UBASH3B: variants seen among roughly 807,000 people sequenced by gnomAD.
UBASH3B encodes the protein ubiquitin-associated and SH3 domain-containing protein B.
Under a neutral mutation model 83.4 loss-of-function variants are expected in UBASH3B, and 37 were observed. That is an observed-to-expected ratio of 0.44 (90% confidence interval 0.34 to 0.58). The LOEUF is 0.58. Among genes scored for constraint, UBASH3B ranks in the 20% least tolerant of loss-of-function variants. The pLI, the probability that UBASH3B is intolerant of heterozygous loss-of-function variation, is 0.01. For synonymous variants in UBASH3B, 304 were observed against 318.3 expected, an observed-to-expected ratio of 0.96 and a Z score of 0.48; for missense variants, 657 against 827.2, an observed-to-expected ratio of 0.79 and a Z score of 2.52.
At chr11:122,662,189 G>T (rs1209067675) in intron 1 of UBASH3B, among the ~76,000 whole-genome samples, 1 of 151,796 alleles carries the variant, frequency 6.6e-6, no homozygotes, top group Non-Finnish European at 1.5e-5. Context: ...TTACAGGTGG[G>T]AGCCACCCTG....
At chr11:122,793,916 T>C (rs1861104172) in intron 6 of UBASH3B, among the ~76,000 whole-genome samples, 1 of 152,208 alleles carries the variant, frequency 6.6e-6, no homozygotes, top group South Asian at 2.1e-4. Flanking sequence ...TTTCCTTGAC[T>C]GTTAGGAGCC....
chr11:122,681,804 G>C (rs1439182450), intron 1 of UBASH3B, among the ~76,000 whole-genome samples: 1 of 152,168 alleles, frequency 6.6e-6, no homozygotes, highest in African/African-American at 2.4e-5. Flanking sequence ...TTGGAGGCTG[G>C]TAGAAGCCTG....
rs1384095797 is a variant in UBASH3B, at chr11:122,796,289, T to C, written c.1234+13T>C. ...TTCGATGCCAAAGGTGAGTTGGTGGTGGGCCTGCTCAGCACTGCCATACCC... is the reference window on the plus strand; with the variant it reads ...TTCGATGCCAAAGGTGAGTTGGTGGCGGGCCTGCTCAGCACTGCCATACCC... On this transcript the variant is annotated intron_variant, in intron 8 of 13. Coordinates refer to ENST00000284273, the MANE Select transcript of UBASH3B (RefSeq NM_032873.5). The C allele has an allele frequency of 6.2e-7, 1 of 1,613,782 alleles. No homozygotes were observed. Among genetic ancestry groups the C allele is most frequent in the East Asian group, 2.2e-5 (1 of 44,878 alleles).
intron 1 of UBASH3B, among the ~76,000 whole-genome samples, chr11:122,737,390 G>A (rs886256926): frequency 2.0e-5 from 3 of 152,110 alleles, no homozygotes; most frequent in Non-Finnish European, 2.9e-5. Flanking sequence ...AATTTAGGAG[G>A]CACACATGGA....
chr11:122,777,281 G>A, intron 3 of UBASH3B, 71 bp downstream of exon 3: 1 of 1,476,758 alleles, frequency 6.8e-7, no homozygotes. Context: ...GGGACCTGGA[G>A]CAAAGGGAGG....
In UBASH3B at chr11:122,798,946, A is replaced by G; in HGVS notation, c.1362A>G (p.Glu454=). The change falls in exon 10 of 14, where the codon GAA becomes GAG. Residue 454 remains glutamate (E), a synonymous_variant. Transcript: ENST00000284273. The part of the protein sequence containing the change: ...FGCMQARLVG[E]ALLESNTIID... ...TTTTTGTGGTTTTCTTTGCAGGTGA[A>G]GCCTTATTAGAGAGCAATACCATTA... 1.2e-6 allele frequency: 2 copies of G among 1,613,814 alleles called. No individual in the cohort carries two copies. Among genetic ancestry groups the G allele is most frequent in the East Asian group, 2.2e-5 (1 of 44,854 alleles).
At chr11:122,703,279 T>G (rs958042684) in intron 1 of UBASH3B, among the ~76,000 whole-genome samples, 6 of 151,942 alleles carry the variant, frequency 3.9e-5, no homozygotes, top group Non-Finnish European at 8.8e-5. Flanking sequence ...TACAAAAAAT[T>G]AGCCAGGCGT....
In UBASH3B at chr11:122,741,212, G is replaced by A. The variant is rs562256682; in HGVS notation, c.162-35007G>A. Among the ~76,000 whole-genome samples, 39 of 152,296 alleles carry A rather than the reference G, an allele frequency of 2.6e-4. No homozygotes were observed. In the South Asian group the frequency reaches 7.5e-3, roughly 29 times the overall value. On this transcript the variant is annotated intron_variant, in intron 1 of 13. Coordinates refer to ENST00000284273, the MANE Select transcript of UBASH3B (RefSeq NM_032873.5). ...ATTCAGATTTTATAAGATCTTCACAGAATAAAATATTCAATTTACTCTCAG... is the reference window on the plus strand; with the variant it reads ...ATTCAGATTTTATAAGATCTTCACAAAATAAAATATTCAATTTACTCTCAG...
At chr11:122,767,306 T>TTTTTGTTTCG (rs1555144394) in intron 1 of UBASH3B, among the ~76,000 whole-genome samples, 9 of 150,044 alleles carry the variant, frequency 6.0e-5, no homozygotes, top group Admixed American at 2.0e-4. Flanking sequence ...TAAAGGTTTC[T>TTTTTGTTTCG]TTTTGTTTTG....
chr11:122,716,736 A>C (rs2135940569), intron 1 of UBASH3B, among the ~76,000 whole-genome samples: 1 of 152,320 alleles, frequency 6.6e-6, no homozygotes, highest in African/African-American at 2.4e-5. Context: ...AATGTCACCC[A>C]GTTCTGTAAA....
chr11:122,781,669 G>A (rs2135149237), intron 4 of UBASH3B, among the ~76,000 whole-genome samples: 1 of 152,362 alleles, frequency 6.6e-6, no homozygotes, highest in South Asian at 2.1e-4. Flanking sequence ...CCCAGCATGG[G>A]AAGCCGGCCA....
chr11:122,750,354 G>C (rs916923136), intron 1 of UBASH3B, among the ~76,000 whole-genome samples: 5 of 152,128 alleles, frequency 3.3e-5, no homozygotes, highest in Non-Finnish European at 5.9e-5. Context: ...GGTGGAACCG[G>C]GAGGGACACA....
At chr11:122,768,014 T>TCGTGTGGC (rs144537847) in intron 1 of UBASH3B, among the ~76,000 whole-genome samples, 2,491 of 152,278 alleles carry the variant, frequency 0.016, 79 homozygotes, top group African/African-American at 0.056. Flanking sequence ...TGCATGACTG[T>TCGTGTGGC]CGTGTGGCCT....
chr11:122,800,383 C>CAAAA (rs540359065), intron 10 of UBASH3B, among the ~76,000 whole-genome samples: 1 of 76,668 alleles, frequency 1.3e-5, no homozygotes, highest in Non-Finnish European at 2.8e-5. Context: ...ACTAAAAATA[C>CAAAA]AAAAAAAAAA....
chr11:122,792,874 AT>A (rs1384423244), intron 6 of UBASH3B, among the ~76,000 whole-genome samples: 3 of 151,824 alleles, frequency 2.0e-5, no homozygotes, highest in Admixed American at 6.6e-5. Flanking sequence ...GCACGAGTGT[AT>A]TTTTTTTAAG....
At chr11:122,715,684 G>T (rs6589947) in intron 1 of UBASH3B, among the ~76,000 whole-genome samples, 53,691 of 151,984 alleles carry the variant, frequency 0.35, 10,271 homozygotes, top group East Asian at 0.8. Flanking sequence ...CACCCCTTTT[G>T]TCTCTCTCAA....
At chr11:122,673,414 T>C (rs1162186982) in intron 1 of UBASH3B, among the ~76,000 whole-genome samples, 1 of 152,142 alleles carries the variant, frequency 6.6e-6, no homozygotes, top group Non-Finnish European at 1.5e-5. Flanking sequence ...TTTGGGAGGC[T>C]GAGGCGGGCA....
intron 1 of UBASH3B, among the ~76,000 whole-genome samples, chr11:122,665,420 T>C (rs977424511): frequency 6.6e-6 from 1 of 152,030 alleles, no homozygotes; most frequent in African/African-American, 2.4e-5. Flanking sequence ...CTCAAACTCC[T>C]GGGCTCAAGT....
At position 122,789,233 on chromosome 11, in the gene UBASH3B, C is replaced by G. The variant is rs1434962649; in HGVS notation, c.905C>G (p.Thr302Ser). 1 of 1,614,206 alleles carries G rather than the reference C, an allele frequency of 6.2e-7. No homozygotes were observed. The highest frequency in any genetic ancestry group is 8.5e-7 in the Non-Finnish European group (1 of 1,180,046). Reference sequence around the variant, plus strand: ...GGTTGGATCTATGGCACGTCCTTAACCACCGGCTGCTCTGGACTCCTGCCT... The same window carrying G: ...GGTTGGATCTATGGCACGTCCTTAAGCACCGGCTGCTCTGGACTCCTGCCT... ...SEGWIYGTSL[T>S]TGCSGLLPEN... Residue 302 changes from threonine (T) to serine (S), a missense_variant, in exon 6 of 14, where the codon ACC becomes AGC. Around this residue, in one of 3 missense-constraint regions of UBASH3B, gnomAD observed 573 missense variants for 739.0 expected, o/e 0.78. Transcript: ENST00000284273.
Sources: allele counts gnomAD v4.1 joint callset (sites outside exome capture counted in the v4.1 genomes callset), GRCh38; gene constraint gnomAD v4.1.1; regional missense constraint gnomAD v4.1.1; transcripts MANE v1.5; gene names NCBI Gene and HGNC (gene_info 2026-07-23, HGNC 2026-07-21).